The following PKP2 variants were observed in gnomAD, a reference collection of about 807,000 sequenced individuals.
PKP2 encodes plakophilin 2.
A neutral mutation model predicts 83.4 loss-of-function variants in PKP2; 73 were observed. That is an observed-to-expected ratio of 0.88 (90% CI 0.72 to 1.06). The LOEUF (loss-of-function observed/expected upper bound fraction) is 1.06. Ranked by LOEUF, PKP2 falls within the 50% of genes least tolerant of loss-of-function variation. PKP2 has a pLI of 0.00. For missense variants in PKP2, 966 were observed against 1,065.4 expected (o/e 0.91, Z 1.30); for synonymous variants, 409 against 430.4 (o/e 0.95, Z 0.62).
intron 6 of PKP2, among the ~76,000 whole-genome samples, chr12:32,830,711 G>A (rs1956491647): frequency 6.6e-6 from 1 of 151,938 alleles, no homozygotes; most frequent in Non-Finnish European, 1.5e-5. Context: ...GTTCAAGACC[G>A]CCTGGCCAAC....
chr12:32,838,575 A>G (rs1956562795), intron 6 of PKP2, among the ~76,000 whole-genome samples: 2 of 152,080 alleles, frequency 1.3e-5, no homozygotes, highest in African/African-American at 4.8e-5. Flanking sequence ...ATTACTTTCT[A>G]TCACAAACTC....
chr12:32,846,717 C>G lies in PKP2; in HGVS notation c.1378+4049G>C, dbSNP rs1285008200. Among the ~76,000 whole-genome samples the G allele has an allele frequency of 5.3e-5, 7 of 132,042 alleles. No individual in the cohort carries two copies. In the Admixed American group the frequency reaches 5.3e-4, roughly 10 times the overall value. The allele number at this position is 132,042 out of a possible 152,430, so 86.6% of individuals were successfully genotyped here. On this transcript the variant is annotated intron_variant, in intron 5 of 12. Transcript: ENST00000340811. ...CCAAGACTGCGCCATTGCACTCCAG[C>G]CTGGGTAACAAGAATGAAACTTCTT...
Position 32,792,315 on chromosome 12 carries a change from GAGA to G in PKP2, c.*106_*108del. The G allele has an allele frequency of 1.2e-6, 1 of 814,524 alleles. No individual in the cohort carries two copies. The highest frequency in any genetic ancestry group is 2.2e-6 in the Non-Finnish European group (1 of 460,030). The allele number at this position is 814,524 out of a possible 1,614,324, so 50.5% of individuals were successfully genotyped here. A position where few individuals can be genotyped will look rare whatever the true frequency, so the allele number is the denominator to read the frequency against. On this transcript the variant is annotated 3_prime_UTR_variant, in exon 13 of 13. Coordinates refer to ENST00000340811, the MANE Select transcript of PKP2 (RefSeq NM_001005242.3). ...CTGGATTCAGGGGACCACGGAAATA[GAGA>G]AGGATAGAAACAAGGCATGCTTTTG... is the stretch of plus-strand genomic sequence containing the variant.
At position 32,876,962 on chromosome 12, in the gene PKP2, T is replaced by C. The variant is rs142939415; in HGVS notation, c.1034+884A>G. Among the ~76,000 whole-genome samples, 630 of 152,368 alleles carry C rather than the reference T, an allele frequency of 4.1e-3. 7 individuals are homozygous for C. Among genetic ancestry groups the C allele is most frequent in the African/African-American group, 0.014 (584 of 41,582 alleles). The stretch of plus-strand genomic sequence containing the variant: ...TAAGATTAGATTAGCCCTCATCATT[T>C]TGAGAAGTAGTTTATTAATGATGCT... On this transcript the variant is annotated intron_variant, in intron 3 of 12. Coordinates refer to ENST00000340811, the MANE Select transcript of PKP2 (RefSeq NM_001005242.3).
chr12:32,871,466 T>A (rs1049028985), intron 3 of PKP2, among the ~76,000 whole-genome samples: 1 of 151,950 alleles, frequency 6.6e-6, no homozygotes, highest in Non-Finnish European at 1.5e-5. Context: ...CGGCTAATTT[T>A]TTTTTTTTAT....
chr12:32,814,918 C>A (rs1956306757), intron 9 of PKP2, among the ~76,000 whole-genome samples: 1 of 151,186 alleles, frequency 6.6e-6, no homozygotes, highest in Non-Finnish European at 1.5e-5. Flanking sequence ...GAGTGAGACT[C>A]TGTCTTAAAA....
chr12:32,801,643 G>A lies in PKP2; in HGVS notation c.2167+760C>T, dbSNP rs190896902. Among the ~76,000 whole-genome samples, 142 of 152,188 alleles carry A rather than the reference G, an allele frequency of 9.3e-4. 1 individual carries two copies. The highest frequency in any genetic ancestry group is 8.8e-5 in the Non-Finnish European group (6 of 68,018). On this transcript the variant is annotated intron_variant, in intron 10 of 12. Coordinates refer to ENST00000340811, the MANE Select transcript of PKP2 (RefSeq NM_001005242.3). ...ATTGTTTATAATTTTTGTGAAATGT[G>A]AAAAACCGAATTTGAGTTGTTAGAA...
chr12:32,892,023 A>G (rs896542851), intron 1 of PKP2, among the ~76,000 whole-genome samples: 2 of 152,246 alleles, frequency 1.3e-5, no homozygotes, highest in Admixed American at 1.3e-4. Flanking sequence ...TTACACAGAC[A>G]CAGAGGTGCA....
chr12:32,825,221 T>C (rs929508655), intron 6 of PKP2, among the ~76,000 whole-genome samples: 1 of 134,978 alleles, frequency 7.4e-6, no homozygotes, highest in Non-Finnish European at 1.5e-5. Flanking sequence ...AGGGCTGGAG[T>C]GCAGTGGCGC....
At chr12:32,861,841 G>T (rs1956800527) in intron 4 of PKP2, among the ~76,000 whole-genome samples, 1 of 152,188 alleles carries the variant, frequency 6.6e-6, no homozygotes. Context: ...GATGACAGGA[G>T]ATTTCTTATC....
chr12:32,794,157 A>G (rs1401614069), intron 11 of PKP2, among the ~76,000 whole-genome samples: 2 of 152,226 alleles, frequency 1.3e-5, no homozygotes, highest in African/African-American at 4.8e-5. Flanking sequence ...AGGGAGGAGC[A>G]GTCAAATCAG....
intron 4 of PKP2, among the ~76,000 whole-genome samples, chr12:32,861,265 C>T (rs1314308730): frequency 6.6e-6 from 1 of 152,040 alleles, no homozygotes; most frequent in Non-Finnish European, 1.5e-5. Context: ...CTAGAATAGA[C>T]ACAGATATTA....
At chr12:32,864,147 A>ATAAATG in intron 4 of PKP2, among the ~76,000 whole-genome samples, 1 of 152,216 alleles carries the variant, frequency 6.6e-6, no homozygotes, top group South Asian at 2.1e-4. Context: ...GAAGTTCTTC[A>ATAAATG]ACTTGATATG....
intron 1 of PKP2, among the ~76,000 whole-genome samples, chr12:32,883,866 G>A (rs1344622931): frequency 2.6e-5 from 4 of 152,156 alleles, no homozygotes; most frequent in Admixed American, 2.0e-4. Context: ...GTTTCAGGAC[G>A]TGTCATCCCA....
At position 32,809,225 on chromosome 12, in the gene PKP2, T is replaced by C. The variant is rs1011151939; in HGVS notation, c.2014-6669A>G. 2.6e-5 allele frequency among the ~76,000 whole-genome samples: 4 copies of C among 152,238 alleles called. No individual in the cohort carries two copies. In the East Asian group the frequency reaches 7.7e-4, roughly 29 times the overall value. On this transcript the variant is annotated intron_variant, in intron 9 of 12. Transcript: ENST00000340811. ...GTCCATATAAGCCCGGCTGGAGTGA[T>C]TGAAGGCCCCCCACAGGGAGGCCCT...
At chr12:32,877,779 G>T in intron 3 of PKP2, 67 bp downstream of exon 3, 1 of 1,163,224 alleles carries the variant, frequency 8.6e-7, no homozygotes, top group Non-Finnish European at 1.3e-6. Context: ...GCCAGCTCAT[G>T]CTGTCAGGGC....
At chr12:32,872,755 T>C (rs1399992161) in intron 3 of PKP2, among the ~76,000 whole-genome samples, 17 of 152,110 alleles carry the variant, frequency 1.1e-4, no homozygotes, top group Admixed American at 1.1e-3. Flanking sequence ...ACAAATATTT[T>C]AAAGTAGGAT....
chr12:32,831,273 A>C (rs1473954036), intron 6 of PKP2, among the ~76,000 whole-genome samples: 2 of 152,192 alleles, frequency 1.3e-5, no homozygotes, highest in Non-Finnish European at 2.9e-5. Context: ...CACAATAGTG[A>C]CAAAATCATC....
intron 6 of PKP2, among the ~76,000 whole-genome samples, chr12:32,835,179 G>A (rs546515130): frequency 4.6e-5 from 7 of 151,062 alleles, no homozygotes; most frequent in Non-Finnish European, 4.4e-5. Context: ...TCAGCCTCCC[G>A]AGTAGCCGGG....
Sources: allele counts gnomAD v4.1 joint callset (sites outside exome capture counted in the v4.1 genomes callset), GRCh38; gene constraint gnomAD v4.1.1; transcripts MANE v1.5; gene names NCBI Gene and HGNC (gene_info 2026-07-23, HGNC 2026-07-21).